Variants in JPH3 observed in about 807,000 individuals in gnomAD.
JPH3 encodes the protein junctophilin 3.
A neutral mutation model predicts 59.6 loss-of-function variants in JPH3; 11 were observed. That is an observed-to-expected ratio of 0.18 (90% CI 0.12 to 0.31). The LOEUF (loss-of-function observed/expected upper bound fraction) is 0.31, where lower values mean the gene tolerates loss of function less well. Among genes scored for constraint, JPH3 ranks in the 10% least tolerant of loss-of-function variants. The pLI, the probability that JPH3 is intolerant of heterozygous loss-of-function variation, is 1.00. For synonymous variants in JPH3, 673 were observed against 483.6 expected (o/e 1.39, Z -5.14); for missense variants, 1,202 against 1,105.7 (o/e 1.09, Z -1.24).
chr16:87,610,826 T>G (rs1460808954), intron 1 of JPH3, among the ~76,000 whole-genome samples: 1 of 152,162 alleles, frequency 6.6e-6, no homozygotes, highest in Non-Finnish European at 1.5e-5. Context: ...CTGGGAGGCA[T>G]TTTTGGACCA....
chr16:87,661,695 C>T (rs934633583), intron 2 of JPH3, among the ~76,000 whole-genome samples: 15 of 152,242 alleles, frequency 9.9e-5, no homozygotes, highest in African/African-American at 3.6e-4. Context: ...AGAGCAAAGA[C>T]CCGTCCAAGA....
chr16:87,677,013 G>A (rs2033157212), intron 2 of JPH3, among the ~76,000 whole-genome samples: 1 of 151,776 alleles, frequency 6.6e-6, no homozygotes, highest in Admixed American at 6.6e-5. Context: ...CAAAAAATTA[G>A]CCGGGCGTGG....
intron 1 of JPH3, among the ~76,000 whole-genome samples, chr16:87,605,797 C>T (rs955656953): frequency 6.6e-6 from 1 of 152,212 alleles, no homozygotes; most frequent in Non-Finnish European, 1.5e-5. Flanking sequence ...TGGGACCAAA[C>T]CCCCCTCGTT....
intron 1 of JPH3, among the ~76,000 whole-genome samples, chr16:87,641,653 G>A (rs12444788): frequency 0.39 from 58,727 of 152,044 alleles, 11,482 homozygotes; most frequent in Middle Eastern, 0.51. Context: ...CTCAGAGGCT[G>A]CGTTGCCGAT....
At chr16:87,660,007 G>C (rs1354377745) in intron 2 of JPH3, among the ~76,000 whole-genome samples, 5 of 152,094 alleles carry the variant, frequency 3.3e-5, no homozygotes, top group Non-Finnish European at 5.9e-5. Context: ...TCCTTTCCTT[G>C]TCCCTGTCAC....
At chr16:87,615,560 T>C (rs1194852462) in intron 1 of JPH3, among the ~76,000 whole-genome samples, 1 of 152,120 alleles carries the variant, frequency 6.6e-6, no homozygotes, top group African/African-American at 2.4e-5. Context: ...ATTTTCCAGA[T>C]GGGAAGCAGG....
rs61737926 is a variant in JPH3, at chr16:87,644,718, C to T, written c.843C>T (p.Asp281=). 20,502 of 1,607,526 alleles carry T rather than the reference C, an allele frequency of 0.013. 168 individuals carry two copies. Among genetic ancestry groups the T allele is most frequent in the Middle Eastern group, 0.02 (119 of 6,062 alleles). ...AELAVIEDDI[D]ATTTETYVGE... is the part of the protein sequence containing the mutation. ...TGGCGGTCATCGAGGACGACATCGA[C>T]GCCACCACCACCGAGACCTACGTGG... Residue 281 remains aspartate, a synonymous_variant, in exon 2 of 5, where the codon GAC becomes GAT. Coordinates refer to ENST00000284262, the MANE Select transcript of JPH3 (RefSeq NM_020655.4).
At position 87,603,279 on chromosome 16, in the gene JPH3, C is replaced by G. The variant is rs776309384; in HGVS notation, c.133C>G (p.His45Asp). ...AGGCGAATACACCGGCTCGTGGAGC[C>G]ACGGCTTCGAGGTGCTGGGCGTCTA... ...GQGEYTGSWS[H>D]GFEVLGVYTW... Residue 45 changes from histidine (H) to aspartate (D), a missense_variant, in exon 1 of 5, where the codon CAC becomes GAC. Coordinates refer to ENST00000284262, the MANE Select transcript of JPH3 (RefSeq NM_020655.4). The G allele has an allele frequency of 1.2e-6, 2 of 1,613,424 alleles. No homozygotes were observed. The highest frequency in any genetic ancestry group is 1.3e-5 in the African/African-American group (1 of 74,920).
chr16:87,625,519 G>A (rs896601158), intron 1 of JPH3, among the ~76,000 whole-genome samples: 1 of 152,326 alleles, frequency 6.6e-6, no homozygotes, highest in African/African-American at 2.4e-5. Flanking sequence ...TGAGCAGGAG[G>A]AGCAGGGCCA....
At chr16:87,657,197 TAAAA>T (rs1477029946) in intron 2 of JPH3, among the ~76,000 whole-genome samples, 3 of 151,696 alleles carry the variant, frequency 2.0e-5, no homozygotes, top group Non-Finnish European at 4.4e-5. Context: ...CAGTAATAAA[TAAAA>T]AGGAGGAGGC....
chr16:87,625,880 C>A (rs2031356969), intron 1 of JPH3, among the ~76,000 whole-genome samples: 1 of 152,168 alleles, frequency 6.6e-6, no homozygotes, highest in Non-Finnish European at 1.5e-5. Flanking sequence ...ATACCCTCCC[C>A]TGATGACCTC....
At chr16:87,695,089 C>G in intron 4 of JPH3, 1 of 347,832 alleles carries the variant, frequency 2.9e-6, no homozygotes, top group Admixed American at 3.8e-5. Context: ...CTGCTGGGTC[C>G]CCGGTGTTCT....
chr16:87,611,674 G>A lies in JPH3; in HGVS notation c.382+8146G>A, dbSNP rs1460955762. Among the ~76,000 whole-genome samples, 1 of 152,158 alleles carries A rather than the reference G, an allele frequency of 6.6e-6. No individual in the cohort carries two copies. The highest frequency in any genetic ancestry group is 1.9e-4 in the East Asian group (1 of 5,184). ...CTCTATGCCAGTGCTTCCCAAGCCTGAGTGTTACAAGAACCACCTGGAAGG... is the reference window on the plus strand; with the variant it reads ...CTCTATGCCAGTGCTTCCCAAGCCTAAGTGTTACAAGAACCACCTGGAAGG... On this transcript the variant is annotated intron_variant, in intron 1 of 4. Transcript: ENST00000284262. This position sits in a 1 kb window ranked among gnomAD's most constrained non-coding sequence, Gnocchi z 4.5.
At chr16:87,681,400 G>A (rs1305492206) in intron 2 of JPH3, among the ~76,000 whole-genome samples, 1 of 143,114 alleles carries the variant, frequency 7.0e-6, no homozygotes, top group Non-Finnish European at 1.5e-5. Context: ...AGGTGCGCGC[G>A]GTCGTGACAG....
At chr16:87,626,748 G>A (rs527490066) in intron 1 of JPH3, among the ~76,000 whole-genome samples, 77 of 152,362 alleles carry the variant, frequency 5.1e-4, no homozygotes, top group African/African-American at 1.7e-3. Context: ...GGGAAGTGGC[G>A]GGAGCGGGTG....
At chr16:87,667,585 C>T (rs1299350950) in intron 2 of JPH3, among the ~76,000 whole-genome samples, 1 of 152,184 alleles carries the variant, frequency 6.6e-6, no homozygotes. Flanking sequence ...CAGGCAGGGC[C>T]TGGCATTGGG....
At chr16:87,633,132 C>T (rs1006131500) in intron 1 of JPH3, among the ~76,000 whole-genome samples, 2 of 152,150 alleles carry the variant, frequency 1.3e-5, no homozygotes, top group East Asian at 3.8e-4. Context: ...GACAGCATGG[C>T]TTAAACCACA....
rs981715555 is a variant in JPH3 at position 87,689,745 on chromosome 16, G to A, written c.1385G>A (p.Arg462His). 7 of 1,612,084 alleles carry A rather than the reference G, an allele frequency of 4.3e-6. No individual in the cohort carries two copies. The African/African-American group carries it at 5.3e-5, about 12-fold the overall frequency. ...PLQQESPELY[R>H]KGTTPSDLTP... ...CAGCAGGAGAGCCCCGAGCTGTACCGCAAGGGCACCACTCCCTCCGACCTG... is the reference window on the plus strand; with the variant it reads ...CAGCAGGAGAGCCCCGAGCTGTACCACAAGGGCACCACTCCCTCCGACCTG... The change falls in exon 4 of 5, where the codon CGC becomes CAC. Residue 462 changes from arginine (R) to histidine (H), a missense_variant. Transcript: ENST00000284262.
At chr16:87,678,463 TGTGAGAAAGAGGTTGCAGTGAG>T (rs2033205113) in intron 2 of JPH3, among the ~76,000 whole-genome samples, 1 of 151,904 alleles carries the variant, frequency 6.6e-6, no homozygotes, top group African/African-American at 2.4e-5. Context: ...TTCTTGAACC[TGTGAGAAAGAGGTTGCAGTGAG>T]CCGAGATCAT....
Sources: gnomAD v4.1 joint callset for allele counts (sites outside exome capture counted in the v4.1 genomes callset) on GRCh38, gnomAD v4.1.1 for gene constraint, Gnocchi (gnomAD v3.1) non-coding constraint, MANE v1.5 for transcripts, NCBI Gene and HGNC (gene_info 2026-07-23, HGNC 2026-07-21) for gene names.